CSNK2A2: variants seen among roughly 807,000 people sequenced by gnomAD.
The protein encoded by CSNK2A2 is casein kinase 2 alpha 2.
In CSNK2A2, 8 loss-of-function variants were observed where a neutral mutation model predicts 54.0. The ratio of observed to expected loss-of-function variants is 0.15; its 90% CI spans 0.09 to 0.27. CSNK2A2 has a LOEUF of 0.27. Ranked by LOEUF, CSNK2A2 falls within the 10% of genes least tolerant of loss-of-function variation. CSNK2A2 has a pLI of 1.00. For synonymous variants in CSNK2A2, 141 were observed against 153.9 expected (o/e 0.92, Z 0.62); for missense variants, 242 against 439.4 (o/e 0.55, Z 4.02).
rs1236137666 is a variant in CSNK2A2, at chr16:58,197,586, C to A, written c.104+47G>T. 3 of 1,345,142 alleles carry A rather than the reference C, an allele frequency of 2.2e-6. No homozygotes were observed. Among genetic ancestry groups the A allele is most frequent in the East Asian group, 2.9e-5 (1 of 34,840 alleles). The allele number at this position is 1,345,142 out of a possible 1,614,324, so 83.3% of individuals were successfully genotyped here. A position where few individuals can be genotyped will look rare whatever the true frequency, so the allele number is the denominator to read the frequency against. On this transcript the variant is annotated intron_variant, in intron 1 of 11. Transcript: ENST00000262506. The surrounding 1 kb of genome is among the most constrained non-coding windows in gnomAD (Gnocchi z 4.0). The stretch of plus-strand genomic sequence containing the variant: ...GTGCGGTTCGCAGGGGGTGGCCGGG[C>A]GGGGGCAGGGATCAGCGGGCCCGGC...
At chr16:58,172,853 T>C (rs940084119) in intron 5 of CSNK2A2, among the ~76,000 whole-genome samples, 1 of 152,154 alleles carries the variant, frequency 6.6e-6, no homozygotes, top group African/African-American at 2.4e-5. Flanking sequence ...AGCTGCTACC[T>C]CCAGAAAGCA....
At chr16:58,168,551 CT>C in intron 6 of CSNK2A2, 58 bp downstream of exon 6, 5 of 1,467,986 alleles carry the variant, frequency 3.4e-6, no homozygotes, top group Admixed American at 3.5e-5. Flanking sequence ...CACTGGACAG[CT>C]TTTTGGTCTG....
At chr16:58,169,950 G>C (rs1360431221) in intron 5 of CSNK2A2, among the ~76,000 whole-genome samples, 1 of 152,016 alleles carries the variant, frequency 6.6e-6, no homozygotes, top group Non-Finnish European at 1.5e-5. Context: ...TGGGGCTAAG[G>C]CACGAGAATT....
intron 11 of CSNK2A2, chr16:58,159,605 A>G (rs1260001403): frequency 1.3e-5 from 2 of 152,236 alleles, no homozygotes; most frequent in East Asian, 3.8e-4. Context: ...TTTATTTAAG[A>G]AAACAGGATT....
chr16:58,188,464 G>A (rs1201113176), intron 2 of CSNK2A2, among the ~76,000 whole-genome samples: 1 of 152,330 alleles, frequency 6.6e-6, no homozygotes, highest in Middle Eastern at 3.4e-3. Context: ...GATCAAACAC[G>A]TCAATGTCAT....
intron 5 of CSNK2A2, chr16:58,174,117 T>C (rs1961813258): frequency 5.6e-6 from 1 of 179,334 alleles, no homozygotes; most frequent in Non-Finnish European, 1.2e-5. Flanking sequence ...ACAATAATCA[T>C]TTTTTAAAAG....
Position 58,197,593 on chromosome 16 carries a change from A to C in CSNK2A2, c.104+40T>G, listed in dbSNP as rs1464481604. 1 of 1,388,968 alleles carries C rather than the reference A, an allele frequency of 7.2e-7. No individual in the cohort carries two copies. 86.0% of individuals were successfully genotyped at this position (1,388,968 alleles called of 1,614,324 possible). On this transcript the variant is annotated intron_variant, in intron 1 of 11. Coordinates refer to ENST00000262506, the MANE Select transcript of CSNK2A2 (RefSeq NM_001896.4). This position sits in a 1 kb window ranked among gnomAD's most constrained non-coding sequence, Gnocchi z 4.0. ...TCGCAGGGGGTGGCCGGGCGGGGGC[A>C]GGGATCAGCGGGCCCGGCGGGGGGC...
intron 5 of CSNK2A2, among the ~76,000 whole-genome samples, chr16:58,171,981 T>TATATATATATATATA (rs1567466368): frequency 1.8e-5 from 1 of 54,258 alleles, no homozygotes; most frequent in African/African-American, 1.1e-4. Flanking sequence ...ATATATATAT[T>TATATATATATATATA]TTTTTTTTTT....
intron 11 of CSNK2A2, chr16:58,160,672 C>T (rs1404024778): frequency 1.3e-5 from 2 of 152,256 alleles, no homozygotes; most frequent in Non-Finnish European, 2.9e-5. Flanking sequence ...GGGTACATTC[C>T]AGAACATAAA....
intron 2 of CSNK2A2, chr16:58,192,628 A>C (rs1332535427): frequency 6.6e-6 from 1 of 152,194 alleles, no homozygotes; most frequent in Non-Finnish European, 1.5e-5. Context: ...CCAAAGTCAA[A>C]CACTTCCTTT....
At chr16:58,171,286 G>A (rs1407981847) in intron 5 of CSNK2A2, among the ~76,000 whole-genome samples, 1 of 152,050 alleles carries the variant, frequency 6.6e-6, no homozygotes, top group African/African-American at 2.4e-5. Flanking sequence ...GCAGTTTGGG[G>A]GCCAAGGCGG....
chr16:58,167,574 G>T, intron 7 of CSNK2A2, 111 bp downstream of exon 7: 1 of 818,686 alleles, frequency 1.2e-6, no homozygotes, highest in Non-Finnish European at 2.0e-6. Flanking sequence ...GCATTTTAGG[G>T]TGAAATAATG....
chr16:58,196,587 G>C, intron 2 of CSNK2A2, 146 bp downstream of exon 2: 4 of 645,018 alleles, frequency 6.2e-6, no homozygotes, highest in Non-Finnish European at 1.1e-5. Flanking sequence ...CTCCAGCCTG[G>C]GTGACAGAGT....
intron 11 of CSNK2A2, 39 bp downstream of exon 11, chr16:58,164,015 G>T (rs1057431249): frequency 2.7e-6 from 4 of 1,478,118 alleles, no homozygotes; most frequent in Non-Finnish European, 3.8e-6. Context: ...TTTGTGTTTG[G>T]TTGGTTGGTT....
At chr16:58,167,417 G>A (rs539304566) in intron 7 of CSNK2A2, 109 bp from the exon 8 acceptor site, 2 of 744,406 alleles carry the variant, frequency 2.7e-6, no homozygotes, top group South Asian at 2.5e-5. Flanking sequence ...TATGGCCATA[G>A]ATAATTTATT....
intron 2 of CSNK2A2, 94 bp downstream of exon 2, chr16:58,196,639 C>T (rs1296472592): frequency 1.2e-6 from 1 of 800,362 alleles, no homozygotes; most frequent in Non-Finnish European, 2.3e-6. Flanking sequence ...TAAATTCAAG[C>T]TTGCATTGCC....
Position 58,174,951 on chromosome 16 carries a change from T to A in CSNK2A2, c.370-441A>T, listed in dbSNP as rs1036224184. 3.3e-5 allele frequency among the ~76,000 whole-genome samples: 5 copies of A among 152,172 alleles called. No individual in the cohort carries two copies. In the East Asian group the frequency reaches 7.7e-4, roughly 23 times the overall value. On this transcript the variant is annotated intron_variant, in intron 4 of 11. Coordinates refer to ENST00000262506, the MANE Select transcript of CSNK2A2 (RefSeq NM_001896.4). The stretch of plus-strand genomic sequence containing the variant: ...AGCTCTGAAGAACTTCATGGGCTAC[T>A]GTGGTAAAACAGTGGCGACACAGGC...
At chr16:58,159,195 GAAGAAAGCACACTAATTA>G (rs1319541619) in intron 11 of CSNK2A2, 2 of 152,076 alleles carry the variant, frequency 1.3e-5, no homozygotes, top group East Asian at 3.9e-4. Context: ...GGCTCAGTGA[GAAGAAAGCACACTAATTA>G]AAGAAAGCAC....
chr16:58,197,292 G>A lies in CSNK2A2; in HGVS notation c.104+341C>T, dbSNP rs1962482764. The stretch of plus-strand genomic sequence containing the variant: ...GCAGGGCATTTTAATAGCTCCAAAG[G>A]ACAGCTGTTGACTTCCCACCCCAGT... On this transcript the variant is annotated intron_variant, in intron 1 of 11. Transcript: ENST00000262506. The surrounding 1 kb of genome is among the most constrained non-coding windows in gnomAD (Gnocchi z 4.0). 2 of 297,328 alleles carry A rather than the reference G, an allele frequency of 6.7e-6. No homozygotes were observed. The highest frequency in any genetic ancestry group is 6.4e-6 in the Non-Finnish European group (1 of 157,018). The allele number at this position is 297,328 out of a possible 1,614,324, so 18.4% of individuals were successfully genotyped here.
Sources: allele counts gnomAD v4.1 joint callset (sites outside exome capture counted in the v4.1 genomes callset), GRCh38; gene constraint gnomAD v4.1.1; non-coding constraint Gnocchi (gnomAD v3.1); transcripts MANE v1.5; gene names NCBI Gene and HGNC (gene_info 2026-07-23, HGNC 2026-07-21).